CDH13: variants seen among roughly 807,000 people sequenced by gnomAD.
CDH13 encodes the protein cadherin 13.
CDH13 carries 24 observed loss-of-function variants against 63.8 expected under a neutral mutation model. The ratio of observed to expected loss-of-function variants is 0.38; its 90% CI spans 0.27 to 0.53. The LOEUF (loss-of-function observed/expected upper bound fraction) is 0.53. Ranked by LOEUF, CDH13 falls within the 20% of genes least tolerant of loss-of-function variation. The pLI is 0.85. For synonymous variants in CDH13, 503 were observed against 355.3 expected (o/e 1.42, Z -4.67); for missense variants, 1,049 against 903.1 (o/e 1.16, Z -2.07).
chr16:83,536,425 G>A (rs968271668), intron 7 of CDH13, among the ~76,000 whole-genome samples: 1 of 152,088 alleles, frequency 6.6e-6, no homozygotes, highest in African/African-American at 2.4e-5. Context: ...GGTGTTAACT[G>A]AGCAAGAATG....
At chr16:82,856,062 G>T (rs2039671422) in intron 1 of CDH13, among the ~76,000 whole-genome samples, 2 of 152,094 alleles carry the variant, frequency 1.3e-5, no homozygotes, top group Admixed American at 1.3e-4. Flanking sequence ...TTTGAGTGAT[G>T]GCAGAAATTG....
At chr16:83,175,363 C>T (rs908059168) in intron 4 of CDH13, among the ~76,000 whole-genome samples, 4 of 152,066 alleles carry the variant, frequency 2.6e-5, no homozygotes, top group Admixed American at 2.6e-4. Context: ...GTTCTCAACC[C>T]CCACGATAGC....
chr16:82,658,206 A>C (rs532738500), intron 1 of CDH13, among the ~76,000 whole-genome samples: 79 of 152,322 alleles, frequency 5.2e-4, no homozygotes, highest in African/African-American at 1.7e-3. Context: ...CCTGGTCATC[A>C]TCCCAGGCTT....
At chr16:82,808,674 C>T (rs1473545749) in intron 1 of CDH13, among the ~76,000 whole-genome samples, 1 of 152,092 alleles carries the variant, frequency 6.6e-6, no homozygotes, top group Admixed American at 6.6e-5. Flanking sequence ...TTGATGAGCA[C>T]CTGCTGTGTA....
At chr16:83,586,023 G>A (rs1906121333) in intron 7 of CDH13, among the ~76,000 whole-genome samples, 2 of 152,172 alleles carry the variant, frequency 1.3e-5, no homozygotes, top group South Asian at 4.1e-4. Flanking sequence ...AACTTCACAG[G>A]GGTATGTTGA....
At chr16:82,796,540 T>A (rs937681956) in intron 1 of CDH13, among the ~76,000 whole-genome samples, 1 of 152,218 alleles carries the variant, frequency 6.6e-6, no homozygotes, top group South Asian at 2.1e-4. Flanking sequence ...AGTTTTTCTG[T>A]TGAGTCTTCC....
At chr16:83,784,837 G>C (rs1230894256) in intron 13 of CDH13, among the ~76,000 whole-genome samples, 1 of 152,044 alleles carries the variant, frequency 6.6e-6, no homozygotes, top group Non-Finnish European at 1.5e-5. Context: ...GCCCAACAGA[G>C]TCTAAGGGTC....
intron 7 of CDH13, among the ~76,000 whole-genome samples, chr16:83,498,069 A>C (rs2074189178): frequency 6.6e-6 from 1 of 152,220 alleles, no homozygotes; most frequent in Non-Finnish European, 1.5e-5. Flanking sequence ...AGTCCAACAG[A>C]AAAAGAGTAA....
intron 1 of CDH13, among the ~76,000 whole-genome samples, chr16:82,771,125 AT>A (rs2035246264): frequency 1.3e-5 from 2 of 152,160 alleles, no homozygotes; most frequent in African/African-American, 2.4e-5. Flanking sequence ...TTGTTTTATA[AT>A]TTTTTGCAAA....
At chr16:83,681,482 G>T (rs1391148070) in intron 10 of CDH13, among the ~76,000 whole-genome samples, 1 of 152,070 alleles carries the variant, frequency 6.6e-6, no homozygotes, top group Non-Finnish European at 1.5e-5. Flanking sequence ...ATTCCTTCCT[G>T]CTGGGAGCCA....
intron 11 of CDH13, among the ~76,000 whole-genome samples, chr16:83,778,137 C>T (rs1915249490): frequency 6.6e-6 from 1 of 152,168 alleles, no homozygotes; most frequent in African/African-American, 2.4e-5. Context: ...AATGGTTTGT[C>T]CCAAGAGCAA....
intron 1 of CDH13, among the ~76,000 whole-genome samples, chr16:82,731,632 T>C (rs1453153294): frequency 6.6e-6 from 1 of 152,216 alleles, no homozygotes; most frequent in African/African-American, 2.4e-5. Flanking sequence ...CAATCAACAT[T>C]GATATGGGAA....
intron 5 of CDH13, among the ~76,000 whole-genome samples, chr16:83,232,762 A>G (rs2040040502): frequency 1.5e-5 from 2 of 136,180 alleles, no homozygotes; most frequent in African/African-American, 2.8e-5. Context: ...TAAATGACCC[A>G]CTCTCGGGTA....
At chr16:83,442,686 C>A (rs2072513568) in intron 6 of CDH13, among the ~76,000 whole-genome samples, 1 of 152,204 alleles carries the variant, frequency 6.6e-6, no homozygotes, top group East Asian at 1.9e-4. Flanking sequence ...GTTAGGGCTG[C>A]ATTTTGAAAT....
chr16:83,709,478 C>T (rs1033829047), intron 10 of CDH13, among the ~76,000 whole-genome samples: 1 of 152,200 alleles, frequency 6.6e-6, no homozygotes, highest in African/African-American at 2.4e-5. Flanking sequence ...CGTGTGTGCA[C>T]CATTTGAGAA....
At position 83,796,130 on chromosome 16, in the gene CDH13, G is replaced by A. The variant is rs1033379959; in HGVS notation, c.*1100G>A. Reference sequence around the variant, plus strand: ...GTTTGCAAACCCGAAAATAAAAGACGTTCATTATGTATGAAAAGTAACTGA... The same window carrying A: ...GTTTGCAAACCCGAAAATAAAAGACATTCATTATGTATGAAAAGTAACTGA... On this transcript the variant is annotated 3_prime_UTR_variant, in exon 14 of 14. Coordinates refer to ENST00000567109, the MANE Select transcript of CDH13 (RefSeq NM_001257.5). The A allele has an allele frequency of 1.3e-5, 2 of 152,586 alleles. No individual in the cohort carries two copies. The highest frequency in any genetic ancestry group is 2.1e-4 in the South Asian group (1 of 4,836). 9.5% of individuals were successfully genotyped at this position (152,586 alleles called of 1,614,324 possible). A position where few individuals can be genotyped will look rare whatever the true frequency, so the allele number is the denominator to read the frequency against.
chr16:82,958,910 T>C (rs1238292291), intron 2 of CDH13, among the ~76,000 whole-genome samples: 1 of 152,258 alleles, frequency 6.6e-6, no homozygotes, highest in Non-Finnish European at 1.5e-5. Flanking sequence ...AAAGTGGTTA[T>C]GAACGAATGA....
At chr16:83,444,029 G>C (rs1277667272) in intron 6 of CDH13, among the ~76,000 whole-genome samples, 1 of 150,874 alleles carries the variant, frequency 6.6e-6, no homozygotes, top group Non-Finnish European at 1.5e-5. Context: ...TGATGGCGAT[G>C]ATCATGGTGA....
chr16:83,234,551 A>G (rs937157992), intron 5 of CDH13, among the ~76,000 whole-genome samples: 20 of 152,302 alleles, frequency 1.3e-4, no homozygotes, highest in African/African-American at 4.6e-4. Flanking sequence ...ATGCTAAACA[A>G]CAACAGCTAG....
Sources: gnomAD v4.1 joint callset for allele counts (sites outside exome capture counted in the v4.1 genomes callset) on GRCh38, gnomAD v4.1.1 for gene constraint, MANE v1.5 for transcripts, NCBI Gene and HGNC (gene_info 2026-07-23, HGNC 2026-07-21) for gene names.